FGF12: variants seen among roughly 807,000 people sequenced by gnomAD.
FGF12 encodes the protein fibroblast growth factor 12B.
Under a neutral mutation model 23.6 loss-of-function variants are expected in FGF12, and 14 were observed. The ratio of observed to expected loss-of-function variants is 0.59; its 90% CI spans 0.39 to 0.93. The LOEUF (loss-of-function observed/expected upper bound fraction) is 0.93, where lower values mean the gene tolerates loss of function less well. FGF12 is among the 40% of genes least tolerant of loss of function. FGF12 has a pLI of 0.00. For missense variants in FGF12, 175 were observed against 217.8 expected, an observed-to-expected ratio of 0.80 and a Z score of 1.24; for synonymous variants, 62 against 77.3, an observed-to-expected ratio of 0.80 and a Z score of 1.04.
intron 2 of FGF12, among the ~76,000 whole-genome samples, chr3:192,681,903 G>T (rs1717542901): frequency 6.6e-6 from 1 of 151,996 alleles, no homozygotes. Context: ...AAAAATTTGT[G>T]CCCCAAGAAA....
intron 5 of FGF12, among the ~76,000 whole-genome samples, chr3:192,148,010 C>T (rs1353364466): frequency 1.3e-5 from 2 of 152,106 alleles, no homozygotes; most frequent in South Asian, 2.1e-4. Flanking sequence ...TTCATTTCTA[C>T]TTAAATGTAA....
intron 4 of FGF12, among the ~76,000 whole-genome samples, chr3:192,186,980 A>G (rs998980919): frequency 2.6e-5 from 4 of 152,208 alleles, no homozygotes; most frequent in African/African-American, 9.6e-5. Context: ...AGCTGAAAGG[A>G]AGCTTGGAAT....
chr3:192,678,754 C>T lies in FGF12; in HGVS notation c.13+48427G>A, dbSNP rs554139871. Among the ~76,000 whole-genome samples, 5 of 152,274 alleles carry T rather than the reference C, an allele frequency of 3.3e-5. No individual in the cohort carries two copies. The East Asian group carries it at 5.8e-4, about 18-fold the overall frequency. ...AAAGAAAAACAGGGTCAGTGCATGG[C>T]GGTAAAGAATCCAGGGCCTTCCTGA... is the stretch of plus-strand genomic sequence containing the variant. On this transcript the variant is annotated intron_variant, in intron 2 of 5. Coordinates refer to ENST00000445105, the MANE Select transcript of FGF12 (RefSeq NM_004113.6).
chr3:192,161,239 C>G lies in FGF12; in HGVS notation c.427+9219G>C, dbSNP rs142012228. ...ATGCAAATTATTTGGCCAGCTCAAA[C>G]GTACAGAATTAAAAATTCAGGAGAT... is the stretch of plus-strand genomic sequence containing the variant. On this transcript the variant is annotated intron_variant, in intron 5 of 5. Coordinates refer to ENST00000445105, the MANE Select transcript of FGF12 (RefSeq NM_004113.6). Among the ~76,000 whole-genome samples the G allele has an allele frequency of 3.4e-3, 512 of 152,110 alleles. 1 individual carries two copies. The highest frequency in any genetic ancestry group is 0.011 in the African/African-American group (438 of 41,502).
intron 2 of FGF12, among the ~76,000 whole-genome samples, chr3:192,468,696 T>C (rs1723077213): frequency 6.6e-6 from 1 of 152,190 alleles, no homozygotes; most frequent in Non-Finnish European, 1.5e-5. Flanking sequence ...CTCCAGAAAG[T>C]TACTGTCTTT....
Position 192,408,600 on chromosome 3 carries a change from G to C in FGF12, c.14-48062C>G, listed in dbSNP as rs770075128. ...TTCGGGGTACCAAGTGGAAGGGGAA[G>C]AACGATGCCCAAAATAACAAGACGT... On this transcript the variant is annotated intron_variant, in intron 2 of 5. Transcript: ENST00000445105. The surrounding 1 kb of genome is among the most constrained non-coding windows in gnomAD (Gnocchi z 7.3). The C allele has an allele frequency of 4.4e-5, 47 of 1,063,354 alleles. No homozygotes were observed. The highest frequency in any genetic ancestry group is 5.2e-5 in the Non-Finnish European group (46 of 879,790). The allele number at this position is 1,063,354 out of a possible 1,614,324, so 65.9% of individuals were successfully genotyped here.
chr3:192,475,410 T>C (rs565793130), intron 2 of FGF12, among the ~76,000 whole-genome samples: 12 of 152,258 alleles, frequency 7.9e-5, no homozygotes, highest in African/African-American at 2.6e-4. Flanking sequence ...ACACAAAACA[T>C]ACAACTAATG....
intron 4 of FGF12, among the ~76,000 whole-genome samples, chr3:192,212,342 G>A (rs757700795): frequency 3.3e-5 from 5 of 152,142 alleles, no homozygotes; most frequent in Non-Finnish European, 7.4e-5. Flanking sequence ...GGACAGTGTA[G>A]GGAAGAGATT....
intron 3 of FGF12, among the ~76,000 whole-genome samples, chr3:192,345,758 G>A (rs909765095): frequency 1.3e-5 from 2 of 151,860 alleles, no homozygotes; most frequent in African/African-American, 4.8e-5. Flanking sequence ...AAGAAAGTAG[G>A]AAAAACAGAC....
intron 2 of FGF12, among the ~76,000 whole-genome samples, chr3:192,481,014 G>A (rs766995214): frequency 2.8e-4 from 43 of 152,128 alleles, no homozygotes; most frequent in Non-Finnish European, 5.1e-4. Context: ...AGTAGCAGTG[G>A]TTAATGCCCT....
intron 2 of FGF12, among the ~76,000 whole-genome samples, chr3:192,428,382 G>A (rs1254102439): frequency 1.3e-5 from 2 of 152,058 alleles, no homozygotes; most frequent in African/African-American, 2.4e-5. Flanking sequence ...TGAAAATAAG[G>A]GAAATAAATT....
chr3:192,626,676 T>C (rs1256524398), intron 2 of FGF12, among the ~76,000 whole-genome samples: 1 of 152,162 alleles, frequency 6.6e-6, no homozygotes, highest in Non-Finnish European at 1.5e-5. Context: ...GCAGTGGTGC[T>C]ATCATAGCTC....
At chr3:192,184,510 T>C (rs539120855) in intron 4 of FGF12, among the ~76,000 whole-genome samples, 2 of 152,162 alleles carry the variant, frequency 1.3e-5, no homozygotes, top group African/African-American at 4.8e-5. Flanking sequence ...GAATTAGAGA[T>C]GGTGAATGGA....
chr3:192,308,891 G>T (rs1046597412), intron 4 of FGF12, among the ~76,000 whole-genome samples: 1 of 152,050 alleles, frequency 6.6e-6, no homozygotes, highest in African/African-American at 2.4e-5. Context: ...CTTAGAGTAG[G>T]CATTGAAAAA....
intron 2 of FGF12, among the ~76,000 whole-genome samples, chr3:192,726,618 T>A (rs575259423): frequency 1.3e-5 from 2 of 152,296 alleles, no homozygotes; most frequent in African/African-American, 4.8e-5. Context: ...TCCCATACAC[T>A]GTTCTTCTTA....
intron 5 of FGF12, among the ~76,000 whole-genome samples, chr3:192,167,185 A>G (rs1201557887): frequency 3.5e-5 from 5 of 142,650 alleles, no homozygotes; most frequent in Non-Finnish European, 7.7e-5. Flanking sequence ...AAAAAAAAAG[A>G]CTACATTCTT....
intron 2 of FGF12, among the ~76,000 whole-genome samples, chr3:192,362,248 A>T (rs569177548): frequency 4.9e-4 from 74 of 152,176 alleles, no homozygotes; most frequent in African/African-American, 1.5e-3. Flanking sequence ...TCTTTTTTTT[A>T]AAATTATACT....
At chr3:192,154,567 C>G (rs1714244181) in intron 5 of FGF12, among the ~76,000 whole-genome samples, 1 of 151,372 alleles carries the variant, frequency 6.6e-6, no homozygotes, top group African/African-American at 2.4e-5. Context: ...GTTGGAGTAC[C>G]CTGCTGTGAG....
intron 4 of FGF12, among the ~76,000 whole-genome samples, chr3:192,222,463 G>A (rs1718526844): frequency 6.6e-6 from 1 of 152,048 alleles, no homozygotes; most frequent in African/African-American, 2.4e-5. Context: ...TTGTTAAAAT[G>A]TTAGCATCTG....
Sources: allele counts gnomAD v4.1 joint callset (sites outside exome capture counted in the v4.1 genomes callset), GRCh38; gene constraint gnomAD v4.1.1; non-coding constraint Gnocchi (gnomAD v3.1); transcripts MANE v1.5; gene names NCBI Gene and HGNC (gene_info 2026-07-23, HGNC 2026-07-21).